The following DNAAF9 variants were observed in gnomAD, a reference collection of about 807,000 sequenced individuals.
DNAAF9 encodes shulin.
DNAAF9 carries 90 observed loss-of-function variants against 167.0 expected under a neutral mutation model. The ratio of observed to expected loss-of-function variants is 0.54; its 90% CI spans 0.45 to 0.64. DNAAF9 has a LOEUF of 0.64. Ranked by LOEUF, DNAAF9 falls within the 30% of genes least tolerant of loss-of-function variation. The pLI is 0.00. For missense variants in DNAAF9, 1,315 were observed against 1,442.2 expected (o/e 0.91, Z 1.43); for synonymous variants, 491 against 508.8 (o/e 0.96, Z 0.47).
In DNAAF9 at chr20:3,315,166, AT is replaced by A. The variant is rs776455576; in HGVS notation, c.1591-47del. ...ACAAAAATCCAAAAAAGAATAGGTG[AT>A]TTATAGCATAAATATTCACAGAATC... On this transcript the variant is annotated intron_variant, in intron 19 of 36. Coordinates refer to ENST00000252032, the MANE Select transcript of DNAAF9 (RefSeq NM_001009984.3). The surrounding 1 kb of genome is among the most constrained non-coding windows in gnomAD (Gnocchi z 4.1). 3.7e-6 allele frequency: 4 copies of A among 1,087,896 alleles called. No individual in the cohort carries two copies. Among genetic ancestry groups the A allele is most frequent in the Non-Finnish European group, 1.4e-6 (1 of 702,018 alleles). 67.4% of individuals were successfully genotyped at this position (1,087,896 alleles called of 1,614,324 possible).
intron 8 of DNAAF9, among the ~76,000 whole-genome samples, 187 bp from the exon 9 acceptor site, chr20:3,343,918 A>T (rs1406973616): frequency 1.3e-5 from 2 of 152,142 alleles, no homozygotes; most frequent in Non-Finnish European, 2.9e-5. Context: ...AGATGTTTGT[A>T]GATTATTATA....
In DNAAF9 at chr20:3,407,580, A is replaced by C. The variant is rs528915836; in HGVS notation, c.-23T>G. ...CATGGCGGCGGACGACTGGCGGCGG[A>C]GGAGGACGGTGCAGCTGCGAGGGTC... On this transcript the variant is annotated 5_prime_UTR_variant, in exon 1 of 37. Transcript: ENST00000252032. 1.7e-3 allele frequency: 2,030 copies of C among 1,229,998 alleles called. 24 individuals carry two copies. In the African/African-American group the frequency reaches 0.029, roughly 17 times the overall value. The allele number at this position is 1,229,998 out of a possible 1,614,324, so 76.2% of individuals were successfully genotyped here. A position where few individuals can be genotyped will look rare whatever the true frequency, so the allele number is the denominator to read the frequency against.
intron 6 of DNAAF9, among the ~76,000 whole-genome samples, chr20:3,367,571 A>G (rs1258837731): frequency 6.6e-6 from 1 of 152,128 alleles, no homozygotes; most frequent in Non-Finnish European, 1.5e-5. Context: ...TAGGGTTATT[A>G]ATTGGCCTAA....
chr20:3,279,505 A>G (rs1472641849), intron 28 of DNAAF9, among the ~76,000 whole-genome samples: 2 of 152,246 alleles, frequency 1.3e-5, no homozygotes, highest in African/African-American at 4.8e-5. Context: ...TAACAACTGT[A>G]GCACTGCAGT....
At chr20:3,300,295 A>T (rs2069161745) in intron 21 of DNAAF9, among the ~76,000 whole-genome samples, 1 of 149,640 alleles carries the variant, frequency 6.7e-6, no homozygotes, top group South Asian at 2.1e-4. Context: ...TCTTAATAGT[A>T]AGTCTTCTGA....
chr20:3,407,464 GC>G lies in DNAAF9; in HGVS notation c.83+10del. The G allele has an allele frequency of 7.6e-7, 1 of 1,310,896 alleles. No individual in the cohort carries two copies. The highest frequency in any genetic ancestry group is 2.2e-5 in the South Asian group (1 of 45,270). The allele number at this position is 1,310,896 out of a possible 1,614,324, so 81.2% of individuals were successfully genotyped here. A position where few individuals can be genotyped will look rare whatever the true frequency, so the allele number is the denominator to read the frequency against. On this transcript the variant is annotated intron_variant, in intron 1 of 36. Coordinates refer to ENST00000252032, the MANE Select transcript of DNAAF9 (RefSeq NM_001009984.3). ...GCCCGGCCGCCCCTCGGCTGCCTCT[GC>G]CCCGCGTACCTGACGGAGGGTGACC...
chr20:3,257,575 A>G (rs978610785), intron 33 of DNAAF9, among the ~76,000 whole-genome samples: 2 of 151,810 alleles, frequency 1.3e-5, no homozygotes, highest in African/African-American at 2.4e-5. Context: ...ACGGAGTTTC[A>G]CTCTGTCGCC....
intron 20 of DNAAF9, among the ~76,000 whole-genome samples, chr20:3,307,967 TAAAAA>T: frequency 8.1e-6 from 1 of 123,438 alleles, no homozygotes; most frequent in South Asian, 2.7e-4. Flanking sequence ...ACACAAGGTT[TAAAAA>T]AAAAAAAAAA....
At chr20:3,326,714 C>T (rs996243430) in intron 12 of DNAAF9, among the ~76,000 whole-genome samples, 18 of 149,540 alleles carry the variant, frequency 1.2e-4, no homozygotes, top group Non-Finnish European at 3.0e-5. Flanking sequence ...TGTCACTGTA[C>T]TCCAGCCTGG....
chr20:3,391,145 A>C (rs959947298), intron 1 of DNAAF9, among the ~76,000 whole-genome samples: 5 of 152,216 alleles, frequency 3.3e-5, no homozygotes, highest in Non-Finnish European at 7.3e-5. Context: ...CCCAGAGATA[A>C]ACACTGTCCT....
intron 23 of DNAAF9, among the ~76,000 whole-genome samples, chr20:3,295,027 A>G (rs1389424659): frequency 1.3e-5 from 2 of 150,810 alleles, no homozygotes; most frequent in Non-Finnish European, 3.0e-5. Flanking sequence ...CACCACGCCC[A>G]ACTAATTTTG....
At chr20:3,257,693 G>A (rs995026344) in intron 33 of DNAAF9, among the ~76,000 whole-genome samples, 3 of 151,858 alleles carry the variant, frequency 2.0e-5, no homozygotes, top group African/African-American at 4.8e-5. Flanking sequence ...AAAGGCATGT[G>A]CCACCATGCC....
chr20:3,276,901 T>G (rs937075071), intron 29 of DNAAF9, among the ~76,000 whole-genome samples: 1 of 152,090 alleles, frequency 6.6e-6, no homozygotes, highest in African/African-American at 2.4e-5. Flanking sequence ...CAACTAAAGC[T>G]CTTCTCAAGG....
Position 3,358,641 on chromosome 20 carries a change from T to C in DNAAF9, c.690+875A>G, listed in dbSNP as rs539433030. Among the ~76,000 whole-genome samples the C allele has an allele frequency of 5.3e-5, 8 of 152,322 alleles. No individual in the cohort carries two copies. The South Asian group carries it at 1.7e-3, about 32-fold the overall frequency. On this transcript the variant is annotated intron_variant, in intron 7 of 36. Transcript: ENST00000252032. ...CCGTTCTTTCAAGGAAAGACAATTT[T>C]TGAAACTGTATCTTTTCCTTATTAT...
intron 7 of DNAAF9, among the ~76,000 whole-genome samples, chr20:3,352,456 C>A (rs2070343905): frequency 1.3e-5 from 2 of 152,180 alleles, no homozygotes; most frequent in African/African-American, 4.8e-5. Context: ...TAACCACAGA[C>A]CTTCAATGTC....
chr20:3,303,102 C>T (rs374744281), intron 21 of DNAAF9, among the ~76,000 whole-genome samples: 4 of 151,914 alleles, frequency 2.6e-5, no homozygotes, highest in South Asian at 2.1e-4. Flanking sequence ...ATTAGCCGGG[C>T]GTGGTGGCAG....
At chr20:3,376,792 C>T (rs1295686156) in intron 3 of DNAAF9, among the ~76,000 whole-genome samples, 2 of 152,294 alleles carry the variant, frequency 1.3e-5, no homozygotes, top group East Asian at 1.9e-4. Flanking sequence ...GGGCTGGGCA[C>T]GGTGGCTCAC....
intron 36 of DNAAF9, among the ~76,000 whole-genome samples, chr20:3,252,963 T>C (rs1310300733): frequency 6.6e-6 from 1 of 152,260 alleles, no homozygotes; most frequent in African/African-American, 2.4e-5. Flanking sequence ...AATTAGGCTG[T>C]CTTCGACTTG....
chr20:3,316,767 A>G lies in DNAAF9; in HGVS notation c.1495T>C (p.Ser499Pro), dbSNP rs1395289858. 6.2e-7 allele frequency: 1 copy of G among 1,613,326 alleles called. No homozygotes were observed. Among genetic ancestry groups the G allele is most frequent in the South Asian group, 1.1e-5 (1 of 91,030 alleles). Residue 499 changes from serine to proline, a missense_variant, in exon 18 of 37, where the codon TCC becomes CCC. Around this residue, in one of 2 missense-constraint regions of DNAAF9, gnomAD observed 981 missense variants for 1,012.5 expected, o/e 0.97. Coordinates refer to ENST00000252032, the MANE Select transcript of DNAAF9 (RefSeq NM_001009984.3). ...KDGTVTTETS[S>P]VVLTAAVPRF... ...GGTACAGCAGCAGTCAGGACTACGG[A>G]GCTGGTTTCTGTGGTAACAGTGCCA...
Sources: gnomAD v4.1 joint callset for allele counts (sites outside exome capture counted in the v4.1 genomes callset) on GRCh38, gnomAD v4.1.1 for gene constraint, gnomAD v4.1.1 regional missense constraint, Gnocchi (gnomAD v3.1) non-coding constraint, MANE v1.5 for transcripts, NCBI Gene and HGNC (gene_info 2026-07-23, HGNC 2026-07-21) for gene names.